Variants in SYNPR observed in about 807,000 individuals in gnomAD.
SYNPR encodes the protein synaptoporin.
In SYNPR, 23 loss-of-function variants were observed where a neutral mutation model predicts 32.9. The ratio of observed to expected loss-of-function variants is 0.70; its 90% CI spans 0.50 to 0.99. SYNPR has a LOEUF of 0.99. Ranked by LOEUF, SYNPR falls within the 50% of genes least tolerant of loss-of-function variation. SYNPR has a pLI of 0.00. For synonymous variants in SYNPR, 146 were observed against 135.9 expected (o/e 1.07, Z -0.52); for missense variants, 318 against 349.3 (o/e 0.91, Z 0.71).
chr3:63,567,343 G>A (rs772051448), intron 4 of SYNPR, among the ~76,000 whole-genome samples: 7 of 152,266 alleles, frequency 4.6e-5, no homozygotes, highest in South Asian at 2.1e-4. Context: ...ACACAATAGC[G>A]TAACAGGATG....
chr3:63,488,727 T>C (rs559461483), intron 3 of SYNPR, among the ~76,000 whole-genome samples: 4 of 152,210 alleles, frequency 2.6e-5, no homozygotes, highest in South Asian at 2.1e-4. Context: ...GTGAAAGAAA[T>C]TGGCACCAGA....
intron 2 of SYNPR, among the ~76,000 whole-genome samples, chr3:63,333,956 A>G (rs1368169108): frequency 6.6e-6 from 1 of 152,242 alleles, no homozygotes; most frequent in Non-Finnish European, 1.5e-5. Flanking sequence ...TAAGAATGAA[A>G]AGATGGTCTA....
intron 2 of SYNPR, among the ~76,000 whole-genome samples, chr3:63,292,663 T>C (rs9311871): frequency 0.46 from 69,282 of 152,060 alleles, 15,953 homozygotes; most frequent in Middle Eastern, 0.52. Flanking sequence ...ATAGGAAACA[T>C]TTAAAACAAG....
chr3:63,428,866 T>C (rs555585630), intron 2 of SYNPR, among the ~76,000 whole-genome samples: 1 of 152,334 alleles, frequency 6.6e-6, no homozygotes, highest in East Asian at 1.9e-4. Flanking sequence ...TTCTGCCGTA[T>C]GCTGTTGGCC....
intron 2 of SYNPR, among the ~76,000 whole-genome samples, chr3:63,325,069 T>C (rs17068234): frequency 0.036 from 5,550 of 152,230 alleles, 320 homozygotes; most frequent in African/African-American, 0.13. Flanking sequence ...TGAGGCCATC[T>C]GGTGAGCCTT....
At chr3:63,385,054 A>G (rs1394646901) in intron 2 of SYNPR, among the ~76,000 whole-genome samples, 5 of 152,078 alleles carry the variant, frequency 3.3e-5, no homozygotes, top group Non-Finnish European at 5.9e-5. Context: ...CCTAATACAA[A>G]CTATGCTTAC....
rs1247502093 is a variant in SYNPR at position 63,615,334 on chromosome 3, G to A, written c.711G>A (p.Lys237=). 5.6e-6 allele frequency: 9 copies of A among 1,613,798 alleles called. No individual in the cohort carries two copies. Among genetic ancestry groups the A allele is most frequent in the Non-Finnish European group, 5.9e-6 (7 of 1,179,874 alleles). ...GATATCTTTCAGATCCAATGGAGAA[G>A]CACTCCAGCAGCTATAATCAAGGTG... ...GQRYLSDPME[K]HSSSYNQGGY... is the part of the protein sequence containing the mutation. The change falls in exon 6 of 6, where the codon AAG becomes AAA. Residue 237 remains lysine (K), a synonymous_variant. Transcript: ENST00000478300.
chr3:63,207,790 AT>A, the SYNPR span, among the ~76,000 whole-genome samples: 10 of 152,186 alleles, frequency 6.6e-5, no homozygotes, highest in Admixed American at 3.3e-4. Flanking sequence ...TTTAAAAAAA[AT>A]GAAAGAAAAT....
intron 2 of SYNPR, among the ~76,000 whole-genome samples, chr3:63,265,241 CTTTTTT>C (rs71126590): frequency 3.9e-5 from 4 of 102,200 alleles, no homozygotes; most frequent in South Asian, 3.9e-4. Context: ...TAATGACATT[CTTTTTT>C]TTTTTTTTTT....
chr3:63,267,264 T>A (rs2086497979), intron 2 of SYNPR: 1 of 152,204 alleles, frequency 6.6e-6, no homozygotes, highest in Admixed American at 6.5e-5. Flanking sequence ...CATGAGTTTT[T>A]CCCACCAACC....
intron 2 of SYNPR, among the ~76,000 whole-genome samples, chr3:63,327,073 TATTA>T (rs1429713373): frequency 2.0e-5 from 3 of 152,042 alleles, no homozygotes; most frequent in Non-Finnish European, 2.9e-5. Context: ...ACTAGATATA[TATTA>T]ATTACTAACT....
chr3:63,447,659 A>C (rs1328391161), intron 2 of SYNPR, among the ~76,000 whole-genome samples: 1 of 152,166 alleles, frequency 6.6e-6, no homozygotes, highest in Non-Finnish European at 1.5e-5. Flanking sequence ...TAAATGTTTA[A>C]AGATTCAGGG....
upstream of SYNPR, among the ~76,000 whole-genome samples, chr3:63,275,803 A>G (rs2086569371): frequency 6.6e-6 from 1 of 152,202 alleles, no homozygotes; most frequent in East Asian, 1.9e-4. Context: ...AATAGGTATT[A>G]CAATAATAAT....
At chr3:63,517,031 A>C (rs1284076039) in intron 3 of SYNPR, among the ~76,000 whole-genome samples, 2 of 152,194 alleles carry the variant, frequency 1.3e-5, no homozygotes, top group African/African-American at 4.8e-5. Context: ...ATTCTGATTC[A>C]AAATGAACAT....
chr3:63,612,026 G>T (rs1034510638), intron 5 of SYNPR, among the ~76,000 whole-genome samples: 15 of 152,084 alleles, frequency 9.9e-5, no homozygotes, highest in Non-Finnish European at 1.5e-5. Context: ...TCTCTACCTT[G>T]GTAACAAATT....
intron 2 of SYNPR, among the ~76,000 whole-genome samples, chr3:63,373,693 A>C (rs1364800799): frequency 1.3e-5 from 2 of 152,194 alleles, no homozygotes; most frequent in Non-Finnish European, 2.9e-5. Flanking sequence ...ACCTCTCTGG[A>C]AAGGTCAACA....
chr3:63,402,848 A>G (rs2088310725), intron 2 of SYNPR, among the ~76,000 whole-genome samples: 1 of 152,196 alleles, frequency 6.6e-6, no homozygotes, highest in African/African-American at 2.4e-5. Flanking sequence ...TGCAAGTGTG[A>G]TGGTGATGCA....
At chr3:63,523,391 C>T (rs1020208268) in intron 3 of SYNPR, among the ~76,000 whole-genome samples, 33 of 152,232 alleles carry the variant, frequency 2.2e-4, no homozygotes, top group Admixed American at 1.4e-3. Flanking sequence ...TCCTGGTCCT[C>T]CAAGCAGGGT....
At chr3:63,515,149 T>C (rs890039497) in intron 3 of SYNPR, among the ~76,000 whole-genome samples, 1 of 152,120 alleles carries the variant, frequency 6.6e-6, no homozygotes, top group African/African-American at 2.4e-5. Context: ...TCAGTTTTAT[T>C]ATTTCTGCCC....
Sources: gnomAD v4.1 joint callset for allele counts (sites outside exome capture counted in the v4.1 genomes callset) on GRCh38, gnomAD v4.1.1 for gene constraint, MANE v1.5 for transcripts, NCBI Gene and HGNC (gene_info 2026-07-23, HGNC 2026-07-21) for gene names.